RAD51D: variants seen among roughly 807,000 people sequenced by gnomAD.
The protein encoded by RAD51D is RAD51 paralog D.
A neutral mutation model predicts 44.1 loss-of-function variants in RAD51D; 38 were observed. That is an observed-to-expected ratio of 0.86 (90% confidence interval 0.67 to 1.13). The LOEUF (loss-of-function observed/expected upper bound fraction) is 1.13, where lower values mean the gene tolerates loss of function less well. RAD51D is among the 50% of genes most tolerant of loss of function. RAD51D has a pLI of 0.00. For synonymous variants in RAD51D, 141 were observed against 166.6 expected (o/e 0.85, Z 1.18); for missense variants, 390 against 414.0 (o/e 0.94, Z 0.50).
At position 35,107,053 on chromosome 17, in the gene RAD51D, C is replaced by T. The variant is rs745842748; in HGVS notation, c.415G>A (p.Gly139Arg). ...QQNVLYVDSN[G>R]GLTASRLLQL... is the part of the protein sequence containing the mutation. Reference sequence around the variant, plus strand: ...AGGAGGCGGGAAGCTGTCAGCCCTCCATTGGAATCTACATATAGGACGTTT... The same window carrying T: ...AGGAGGCGGGAAGCTGTCAGCCCTCTATTGGAATCTACATATAGGACGTTT... The change falls in exon 5 of 10, where the codon GGA (glycine) becomes AGA (arginine). Residue 139 changes from glycine (G) to arginine (R), a missense_variant. Gly to Arg is a moderately radical substitution (Grantham distance 125, BLOSUM62 -2). Coordinates refer to ENST00000345365, the MANE Select transcript of RAD51D (RefSeq NM_002878.4). 1.2e-6 allele frequency: 2 copies of T among 1,614,138 alleles called. No individual in the cohort carries two copies. Among genetic ancestry groups the T allele is most frequent in the South Asian group, 2.2e-5 (2 of 91,086 alleles).
At chr17:35,110,046 T>C (rs1365861877) in intron 3 of RAD51D, among the ~76,000 whole-genome samples, 1 of 150,548 alleles carries the variant, frequency 6.6e-6, no homozygotes, top group East Asian at 2.0e-4. Context: ...CACAGCTCAC[T>C]GCAATCTTGA....
intron 3 of RAD51D, chr17:35,117,075 C>A: frequency 6.3e-7 from 1 of 1,578,872 alleles, no homozygotes; most frequent in South Asian, 1.1e-5. Flanking sequence ...CAAGGCCAAT[C>A]GGCTTCCTGT....
In RAD51D at chr17:35,100,124, T is replaced by A; in HGVS notation, c.*829A>T. On this transcript the variant is annotated 3_prime_UTR_variant, in exon 10 of 10. Transcript: ENST00000345365. Reference sequence around the variant, plus strand: ...TGGTTCAGCACCTCTGGTTATGCTGTACTGTGGAGGGGCCCCACAGGGCAC... The same window carrying A: ...TGGTTCAGCACCTCTGGTTATGCTGAACTGTGGAGGGGCCCCACAGGGCAC... 1.9e-6 allele frequency: 1 copy of A among 532,994 alleles called. No homozygotes were observed. The highest frequency in any genetic ancestry group is 1.5e-5 in the South Asian group (1 of 65,166). The allele number at this position is 532,994 out of a possible 1,614,324, so 33.0% of individuals were successfully genotyped here.
intron 3 of RAD51D, among the ~76,000 whole-genome samples, chr17:35,115,453 C>T (rs770597282): frequency 1.6e-4 from 25 of 152,144 alleles, no homozygotes; most frequent in Admixed American, 3.9e-4. Flanking sequence ...GGTTCTGAGG[C>T]GGCCTACAAC....
At position 35,094,551 on chromosome 17, in the gene RAD51D, C is replaced by G. The variant is rs116246902; in HGVS notation, c.*6402G>C. ...GAGCTGAGAAGTAGATCTCTGATCC[C>G]GCTTTTTATGGTGAGCTAAGCTGAA... is the stretch of plus-strand genomic sequence containing the variant. On this transcript the variant is annotated 3_prime_UTR_variant, in exon 10 of 10. Transcript: ENST00000345365. The G allele has an allele frequency of 6.6e-6, 1 of 152,200 alleles. No individual in the cohort carries two copies. Among genetic ancestry groups the G allele is most frequent in the African/African-American group, 2.4e-5 (1 of 41,446 alleles). 9.4% of individuals were successfully genotyped at this position (152,200 alleles called of 1,614,324 possible).
At position 35,097,499 on chromosome 17, in the gene RAD51D, A is replaced by ATGTGTG. The variant is rs1035669361; in HGVS notation, c.*3448_*3453dup. On this transcript the variant is annotated 3_prime_UTR_variant, in exon 10 of 10. Coordinates refer to ENST00000345365, the MANE Select transcript of RAD51D (RefSeq NM_002878.4). ...TATATATGTATATATATGTGTGTAT[A>ATGTGTG]TGTGTGTGTGTGTGTGTGTATATAT... 2.2e-5 allele frequency: 3 copies of ATGTGTG among 135,146 alleles called. No individual in the cohort carries two copies. Among genetic ancestry groups the ATGTGTG allele is most frequent in the South Asian group, 4.5e-4 (2 of 4,434 alleles). The allele number at this position is 135,146 out of a possible 1,614,324, so 8.4% of individuals were successfully genotyped here.
chr17:35,107,737 CTTTTTTTTTTTT>C (rs34531142), intron 3 of RAD51D, among the ~76,000 whole-genome samples: 2 of 94,006 alleles, frequency 2.1e-5, no homozygotes, highest in African/African-American at 4.9e-5. Context: ...TGTGGGTTTC[CTTTTTTTTTTTT>C]TTTTTTTTTT....
At position 35,101,158 on chromosome 17, in the gene RAD51D, T is replaced by G. The variant is rs773938387; in HGVS notation, c.903+43A>C. On this transcript the variant is annotated intron_variant, in intron 9 of 9. Coordinates refer to ENST00000345365, the MANE Select transcript of RAD51D (RefSeq NM_002878.4). ...ACATCTGTGGGTATGGAAACCACCC[T>G]CCAGGGCCCAAGATTACTGGCATCT... 3 of 1,614,016 alleles carry G rather than the reference T, an allele frequency of 1.9e-6. No individual in the cohort carries two copies. In the South Asian group the frequency reaches 3.3e-5, roughly 18 times the overall value.
At chr17:35,105,967 C>T (rs1239292615) in intron 6 of RAD51D, among the ~76,000 whole-genome samples, 1 of 152,140 alleles carries the variant, frequency 6.6e-6, no homozygotes, top group Non-Finnish European at 1.5e-5. Context: ...CTCTTTGCAA[C>T]CATGAGGGGA....
At chr17:35,105,933 C>A (rs1034055988) in intron 6 of RAD51D, among the ~76,000 whole-genome samples, 6 of 152,142 alleles carry the variant, frequency 3.9e-5, no homozygotes, top group Non-Finnish European at 7.3e-5. Flanking sequence ...TGTGTGAAGA[C>A]AAGATGCTTG....
rs901976329 is a variant in RAD51D at position 35,100,593 on chromosome 17, A to C, written c.*360T>G. 11 of 553,204 alleles carry C rather than the reference A, an allele frequency of 2.0e-5. No homozygotes were observed. In the Admixed American group the frequency reaches 2.0e-4, roughly 10 times the overall value. 34.3% of individuals were successfully genotyped at this position (553,204 alleles called of 1,614,324 possible). A position where few individuals can be genotyped will look rare whatever the true frequency, so the allele number is the denominator to read the frequency against. On this transcript the variant is annotated 3_prime_UTR_variant, in exon 10 of 10. Coordinates refer to ENST00000345365, the MANE Select transcript of RAD51D (RefSeq NM_002878.4). ...TTCCCGGCTTGGCCACTGCGCTAGG[A>C]GGGAGCACAGGACACAATGGTGATG...
intron 3 of RAD51D, among the ~76,000 whole-genome samples, chr17:35,110,559 A>G (rs1201406928): frequency 6.6e-6 from 1 of 152,216 alleles, no homozygotes; most frequent in Non-Finnish European, 1.5e-5. Flanking sequence ...ATTTAAGTCT[A>G]TGATCCATTT....
intron 3 of RAD51D, among the ~76,000 whole-genome samples, chr17:35,108,509 A>AG (rs2091637767): frequency 6.7e-6 from 1 of 150,178 alleles, no homozygotes; most frequent in Non-Finnish European, 1.5e-5. Context: ...AAAAAAAAAA[A>AG]AAAAAAAAAA....
rs184235379 is a variant in RAD51D at position 35,110,344 on chromosome 17, C to T, written c.264-2897G>A. On this transcript the variant is annotated intron_variant, in intron 3 of 9. Coordinates refer to ENST00000345365, the MANE Select transcript of RAD51D (RefSeq NM_002878.4). Reference sequence around the variant, plus strand: ...TCTTTCTTCATTCTAGATACAAGTCCTTTGTTGAATACATGGCTTGTAACT... The same window carrying T: ...TCTTTCTTCATTCTAGATACAAGTCTTTTGTTGAATACATGGCTTGTAACT... Among the ~76,000 whole-genome samples, 46 of 152,102 alleles carry T rather than the reference C, an allele frequency of 3.0e-4. No individual in the cohort carries two copies. In the East Asian group the frequency reaches 8.5e-3, roughly 28 times the overall value.
rs1555570255 is a variant in RAD51D, at chr17:35,118,531, G to A, written c.233C>T (p.Ser78Phe). 4.3e-6 allele frequency: 7 copies of A among 1,614,110 alleles called. No individual in the cohort carries two copies. The highest frequency in any genetic ancestry group is 2.2e-5 in the East Asian group (1 of 44,852). The change falls in exon 3 of 10, where the codon TCC becomes TTC. Residue 78 changes from serine to phenylalanine, a missense_variant. By Grantham distance (155) the Ser-to-Phe change is radical (BLOSUM62 -2). Coordinates refer to ENST00000345365, the MANE Select transcript of RAD51D (RefSeq NM_002878.4). ...GADLYEELKT[S>F]TAILSTGIGS... ...AATGCCAGTGGACAGGATGGCAGTG[G>A]AGGTCTTCAGTTCCTCGTAGAGATC... is the stretch of plus-strand genomic sequence containing the variant.
At position 35,096,372 on chromosome 17, in the gene RAD51D, G is replaced by C. The variant is rs1007417448; in HGVS notation, c.*4581C>G. ...GTTCTTTAAAGGACACACAGGAGGC[G>C]ATCCTTCTCCTGCCTGTAGATATTG... On this transcript the variant is annotated 3_prime_UTR_variant, in exon 10 of 10. Transcript: ENST00000345365. 2 of 152,128 alleles carry C rather than the reference G, an allele frequency of 1.3e-5. No individual in the cohort carries two copies. Among genetic ancestry groups the C allele is most frequent in the Admixed American group, 1.3e-4 (2 of 15,264 alleles). The allele number at this position is 152,128 out of a possible 1,614,324, so 9.4% of individuals were successfully genotyped here.
rs2091520766 is a variant in RAD51D at position 35,100,477 on chromosome 17, G to C, written c.*476C>G. On this transcript the variant is annotated 3_prime_UTR_variant, in exon 10 of 10. Transcript: ENST00000345365. ...ATTTCCACCCAGTAACTCAGAGACA[G>C]AGCTAAGGAAGAGTGGGCCCCCATC... 1 of 535,566 alleles carries C rather than the reference G, an allele frequency of 1.9e-6. No homozygotes were observed. The allele number at this position is 535,566 out of a possible 1,614,324, so 33.2% of individuals were successfully genotyped here.
At position 35,092,230 on chromosome 17, in the gene RAD51D, A is replaced by T. The variant is rs905269215; in HGVS notation, c.*8723T>A. The T allele has an allele frequency of 6.6e-6, 1 of 152,208 alleles. No individual in the cohort carries two copies. The allele number at this position is 152,208 out of a possible 1,614,324, so 9.4% of individuals were successfully genotyped here. A position where few individuals can be genotyped will look rare whatever the true frequency, so the allele number is the denominator to read the frequency against. ...ATATTTATAGGAGCTGTTTACTTGG[A>T]CATATTTTTATTATTTCTACTCATT... is the stretch of plus-strand genomic sequence containing the variant. On this transcript the variant is annotated 3_prime_UTR_variant, in exon 10 of 10. Coordinates refer to ENST00000345365, the MANE Select transcript of RAD51D (RefSeq NM_002878.4).
chr17:35,099,896 G>A lies in RAD51D; in HGVS notation c.*1057C>T. 1.9e-6 allele frequency: 1 copy of A among 519,240 alleles called. No individual in the cohort carries two copies. Among genetic ancestry groups the A allele is most frequent in the South Asian group, 1.5e-5 (1 of 65,032 alleles). The allele number at this position is 519,240 out of a possible 1,614,324, so 32.2% of individuals were successfully genotyped here. ...GGCCACAGTGCTGGTGAAAGACAGA[G>A]GGATTATTTCATACACTAGGGCACT... On this transcript the variant is annotated 3_prime_UTR_variant, in exon 10 of 10. Coordinates refer to ENST00000345365, the MANE Select transcript of RAD51D (RefSeq NM_002878.4).
Sources: gnomAD v4.1 joint callset for allele counts (sites outside exome capture counted in the v4.1 genomes callset) on GRCh38, gnomAD v4.1.1 for gene constraint, MANE v1.5 for transcripts, NCBI Gene and HGNC (gene_info 2026-07-23, HGNC 2026-07-21) for gene names.